Variants in NLGN1 observed in about 807,000 individuals in gnomAD.
NLGN1 encodes neuroligin 1, also known as neuroligin-1.
In NLGN1, 12 loss-of-function variants were observed where a neutral mutation model predicts 65.5. That is an observed-to-expected ratio of 0.18 (90% CI 0.12 to 0.30). NLGN1 has a LOEUF of 0.30. Ranked by LOEUF, NLGN1 falls within the 10% of genes least tolerant of loss-of-function variation. NLGN1 has a pLI of 1.00. For missense variants in NLGN1, 750 were observed against 1,007.1 expected (o/e 0.74, Z 3.46); for synonymous variants, 350 against 359.5 (o/e 0.97, Z 0.30).
intron 1 of NLGN1, among the ~76,000 whole-genome samples, chr3:173,430,963 A>G (rs1189632710): frequency 6.6e-6 from 1 of 152,230 alleles, no homozygotes; most frequent in Non-Finnish European, 1.5e-5. Flanking sequence ...TTACAGCAAT[A>G]CAAACAGATG....
chr3:173,689,283 T>C (rs988358236), intron 3 of NLGN1, among the ~76,000 whole-genome samples: 8 of 152,074 alleles, frequency 5.3e-5, no homozygotes, highest in African/African-American at 1.9e-4. Context: ...TCTAAGGGTA[T>C]GAGATTGCTC....
chr3:174,254,811 T>A (rs1294823261), intron 4 of NLGN1, among the ~76,000 whole-genome samples: 1 of 151,892 alleles, frequency 6.6e-6, no homozygotes, highest in Non-Finnish European at 1.5e-5. Context: ...GCCTCACATA[T>A]TCATTTCTAG....
chr3:173,537,944 G>A (rs4479626), intron 2 of NLGN1, among the ~76,000 whole-genome samples: 17,070 of 152,110 alleles, frequency 0.11, 1,783 homozygotes, highest in African/African-American at 0.28. Flanking sequence ...TGATTCAAAG[G>A]CATAAAGAGT....
chr3:174,211,087 G>A (rs369775867), intron 4 of NLGN1, among the ~76,000 whole-genome samples: 3 of 152,106 alleles, frequency 2.0e-5, no homozygotes, highest in Non-Finnish European at 2.9e-5. Flanking sequence ...GGTCTCGCTC[G>A]CTCAGGAGTG....
intron 2 of NLGN1, among the ~76,000 whole-genome samples, chr3:173,600,200 T>TCACACACACACACACAC (rs1187383560): frequency 4.1e-5 from 6 of 145,100 alleles, no homozygotes; most frequent in Non-Finnish European, 9.1e-5. Context: ...TACATGTGTG[T>TCACACACACACACACAC]ACACACACAC....
rs114115188 is a variant in NLGN1 at position 173,699,733 on chromosome 3, T to C, written c.493+94642T>C. On this transcript the variant is annotated intron_variant, in intron 3 of 6. Coordinates refer to ENST00000457714, the Ensembl canonical transcript of NLGN1. ...AGAGAGTATTTTATGTTTTAAGGTT[T>C]AGGGGGAAGGATGTAGAAAGGTATA... Among the ~76,000 whole-genome samples the C allele has an allele frequency of 6.5e-3, 987 of 152,266 alleles. 16 individuals carry two copies. Among genetic ancestry groups the C allele is most frequent in the African/African-American group, 0.023 (943 of 41,542 alleles).
chr3:174,108,223 T>C (rs553977745), intron 4 of NLGN1, among the ~76,000 whole-genome samples: 33 of 152,238 alleles, frequency 2.2e-4, no homozygotes, highest in Non-Finnish European at 4.3e-4. Context: ...GTGTAACTTA[T>C]CCCAAAGATT....
At chr3:173,646,701 A>G (rs563298622) in intron 3 of NLGN1, among the ~76,000 whole-genome samples, 5 of 152,296 alleles carry the variant, frequency 3.3e-5, no homozygotes, top group Admixed American at 2.6e-4. Context: ...AGTTACACCT[A>G]ATAAGCCAAA....
intron 4 of NLGN1, among the ~76,000 whole-genome samples, chr3:173,910,308 T>C (rs1188365429): frequency 6.6e-6 from 1 of 152,212 alleles, no homozygotes; most frequent in Non-Finnish European, 1.5e-5. Context: ...TGTTTATCTC[T>C]GTAGTATCTG....
At chr3:174,044,111 C>A (rs1025445435) in intron 4 of NLGN1, among the ~76,000 whole-genome samples, 2 of 152,120 alleles carry the variant, frequency 1.3e-5, no homozygotes, top group African/African-American at 4.8e-5. Context: ...ATGGCTGAAG[C>A]AGCTGGGATG....
intron 2 of NLGN1, among the ~76,000 whole-genome samples, chr3:173,603,371 G>A (rs1330916382): frequency 6.6e-6 from 1 of 152,004 alleles, no homozygotes; most frequent in Non-Finnish European, 1.5e-5. Flanking sequence ...TTTGATTAGT[G>A]TTAATATGCA....
chr3:173,800,163 A>G lies in NLGN1; in HGVS notation c.494-7517A>G, dbSNP rs922814040. On this transcript the variant is annotated intron_variant, in intron 3 of 6. Transcript: ENST00000457714. ...AAAATAGGTAGTCAATTATGATGTG[A>G]CCACTTCCCCACTCTTTTTGGAAAT... 2.9e-5 allele frequency: 6 copies of G among 205,734 alleles called. No homozygotes were observed. In the East Asian group the frequency reaches 9.4e-4, roughly 32 times the overall value. The allele number at this position is 205,734 out of a possible 1,614,324, so 12.7% of individuals were successfully genotyped here.
chr3:173,769,007 C>T (rs116179004), intron 3 of NLGN1, among the ~76,000 whole-genome samples: 1,600 of 152,138 alleles, frequency 0.011, 29 homozygotes, highest in African/African-American at 0.036. Flanking sequence ...TGGACTCAAG[C>T]GATCCACCCT....
chr3:173,686,960 A>G (rs1764779969), intron 3 of NLGN1, among the ~76,000 whole-genome samples: 2 of 148,254 alleles, frequency 1.3e-5, no homozygotes, highest in African/African-American at 4.9e-5. Context: ...CCCAAAGACA[A>G]AAAAAAAAAA....
At chr3:173,749,728 CA>C (rs1472371743) in intron 3 of NLGN1, among the ~76,000 whole-genome samples, 9 of 151,812 alleles carry the variant, frequency 5.9e-5, no homozygotes, top group Non-Finnish European at 1.3e-4. Flanking sequence ...TCTCTTCTAA[CA>C]AAAATTATTA....
At chr3:173,713,115 A>G (rs1171335277) in intron 3 of NLGN1, among the ~76,000 whole-genome samples, 1 of 152,202 alleles carries the variant, frequency 6.6e-6, no homozygotes, top group Admixed American at 6.5e-5. Context: ...CTGGGCAGAC[A>G]TAAAAATATC....
intron 4 of NLGN1, among the ~76,000 whole-genome samples, chr3:173,867,326 T>C (rs1730365462): frequency 6.6e-6 from 1 of 152,182 alleles, no homozygotes; most frequent in Non-Finnish European, 1.5e-5. Context: ...ATACTCGTTA[T>C]ATTAAATAAA....
intron 2 of NLGN1, among the ~76,000 whole-genome samples, chr3:173,452,864 A>G (rs916563835): frequency 1.3e-5 from 2 of 152,220 alleles, no homozygotes; most frequent in Non-Finnish European, 1.5e-5. Context: ...TTCCCAATAC[A>G]TATATAAATT....
chr3:173,435,789 C>T (rs1264635389), intron 2 of NLGN1, among the ~76,000 whole-genome samples: 2 of 152,128 alleles, frequency 1.3e-5, no homozygotes, highest in African/African-American at 4.8e-5. Context: ...GAGCTGAGAT[C>T]ATGCCACTGC....
Sources: gnomAD v4.1 joint callset for allele counts (sites outside exome capture counted in the v4.1 genomes callset) on GRCh38, gnomAD v4.1.1 for gene constraint, MANE v1.5 for transcripts, NCBI Gene and HGNC (gene_info 2026-07-23, HGNC 2026-07-21) for gene names.